NAALADL2: variants seen among roughly 807,000 people sequenced by gnomAD.
The protein encoded by NAALADL2 is inactive N-acetylated-alpha-linked acidic dipeptidase-like protein 2.
Under a neutral mutation model 87.2 loss-of-function variants are expected in NAALADL2, and 76 were observed. That is an observed-to-expected ratio of 0.87 (90% CI 0.72 to 1.05). NAALADL2 has a LOEUF of 1.05. Ranked by LOEUF, NAALADL2 falls within the 50% of genes least tolerant of loss-of-function variation. NAALADL2 has a pLI of 0.00. For missense variants in NAALADL2, 1,089 were observed against 945.8 expected, an observed-to-expected ratio of 1.15 and a Z score of -1.99; for synonymous variants, 354 against 331.0, an observed-to-expected ratio of 1.07 and a Z score of -0.75.
intron 2 of NAALADL2, among the ~76,000 whole-genome samples, chr3:175,181,456 C>T (rs113754153): frequency 2.9e-4 from 44 of 151,624 alleles, no homozygotes; most frequent in Admixed American, 2.0e-3. Flanking sequence ...ACCCTTTGAT[C>T]GACATCTCCC....
intron 5 of NAALADL2, among the ~76,000 whole-genome samples, chr3:175,420,998 A>G (rs1191280236): frequency 6.6e-6 from 1 of 152,066 alleles, no homozygotes; most frequent in Non-Finnish European, 1.5e-5. Flanking sequence ...ATTTAATTAG[A>G]AGTTATAATA....
intron 1 of NAALADL2, among the ~76,000 whole-genome samples, chr3:174,999,018 C>T (rs1050446288): frequency 1.3e-5 from 2 of 151,978 alleles, no homozygotes; most frequent in Non-Finnish European, 2.9e-5. Flanking sequence ...ATGATGACTG[C>T]AAAAGACTAA....
intron 2 of NAALADL2, among the ~76,000 whole-genome samples, chr3:174,665,645 A>AATCT (rs1194083747): frequency 6.6e-6 from 1 of 152,176 alleles, no homozygotes; most frequent in East Asian, 1.9e-4. Flanking sequence ...CCTTCATGAA[A>AATCT]ATCTGGCTTC....
At position 175,190,210 on chromosome 3, in the gene NAALADL2, T is replaced by C. The variant is rs563793753; in HGVS notation, c.546-43721T>C. On this transcript the variant is annotated intron_variant, in intron 2 of 13. Coordinates refer to ENST00000454872, the MANE Select transcript of NAALADL2 (RefSeq NM_207015.3). ...TACAGAAACAAAAATAATTAAATAG[T>C]ACTACATCAAAGTAAAACTAATCTG... is the stretch of plus-strand genomic sequence containing the variant. Among the ~76,000 whole-genome samples the C allele has an allele frequency of 2.5e-4, 38 of 151,920 alleles. 1 individual carries two copies. The South Asian group carries it at 6.6e-3, about 27-fold the overall frequency.
intron 2 of NAALADL2, among the ~76,000 whole-genome samples, chr3:174,646,799 T>C (rs774051862): frequency 2.0e-4 from 30 of 152,318 alleles, no homozygotes; most frequent in Admixed American, 4.6e-4. Context: ...ATATATTCTG[T>C]CTGCCCTGAA....
chr3:174,700,237 T>G (rs1291600619), intron 2 of NAALADL2, among the ~76,000 whole-genome samples: 1 of 151,524 alleles, frequency 6.6e-6, no homozygotes, highest in Admixed American at 6.6e-5. Flanking sequence ...CAGTTTTTTT[T>G]TTTTTTTTCA....
chr3:174,835,499 A>G (rs929506955), intron 3 of NAALADL2, among the ~76,000 whole-genome samples: 2 of 152,166 alleles, frequency 1.3e-5, no homozygotes, highest in African/African-American at 4.8e-5. Context: ...GTAAAAATAA[A>G]TTGTACTATA....
At chr3:175,290,294 A>G (rs980363293) in intron 4 of NAALADL2, among the ~76,000 whole-genome samples, 2 of 152,242 alleles carry the variant, frequency 1.3e-5, no homozygotes, top group African/African-American at 2.4e-5. Flanking sequence ...TGAATAAACA[A>G]TTTGTAGATA....
chr3:175,200,356 C>T lies in NAALADL2; in HGVS notation c.546-33575C>T, dbSNP rs564718234. Among the ~76,000 whole-genome samples the T allele has an allele frequency of 3.9e-5, 6 of 152,120 alleles. No individual in the cohort carries two copies. In the South Asian group the frequency reaches 1.2e-3, roughly 32 times the overall value. ...CCTTTCTCACTAGGTTAACTAATTT[C>T]TCTCTCTCTCTTTTTTTCTTTAAGC... On this transcript the variant is annotated intron_variant, in intron 2 of 13. Transcript: ENST00000454872.
At chr3:174,727,244 A>G (rs1732285727) in intron 2 of NAALADL2, among the ~76,000 whole-genome samples, 1 of 91,690 alleles carries the variant, frequency 1.1e-5, no homozygotes, top group Non-Finnish European at 2.2e-5. Flanking sequence ...TCACCTGCAT[A>G]TGAAGTAATG....
At chr3:174,797,872 A>C (rs1344199260) in intron 3 of NAALADL2, among the ~76,000 whole-genome samples, 1 of 152,076 alleles carries the variant, frequency 6.6e-6, no homozygotes, top group African/African-American at 2.4e-5. Flanking sequence ...GTAAATTTTG[A>C]AATAGTCTAT....
At chr3:175,637,214 C>T (rs1435901957) in intron 11 of NAALADL2, among the ~76,000 whole-genome samples, 1 of 152,180 alleles carries the variant, frequency 6.6e-6, no homozygotes, top group Non-Finnish European at 1.5e-5. Flanking sequence ...TCTCATATTC[C>T]AGTCTGAGAT....
At chr3:175,280,216 A>T (rs1403461064) in intron 4 of NAALADL2, among the ~76,000 whole-genome samples, 1 of 151,902 alleles carries the variant, frequency 6.6e-6, no homozygotes, top group Non-Finnish European at 1.5e-5. Context: ...CTAGTTCTTC[A>T]ATTTTATATC....
intron 2 of NAALADL2, among the ~76,000 whole-genome samples, chr3:175,154,136 TC>T (rs775635870): frequency 2.6e-5 from 4 of 152,176 alleles, no homozygotes; most frequent in Non-Finnish European, 5.9e-5. Context: ...AATGATAATT[TC>T]TAGGTGATTT....
intron 9 of NAALADL2, among the ~76,000 whole-genome samples, chr3:175,479,148 T>A (rs1405114430): frequency 1.3e-5 from 2 of 151,842 alleles, no homozygotes; most frequent in African/African-American, 4.8e-5. Context: ...AAATTGTGGA[T>A]TCTTGGTTTT....
chr3:174,531,268 AT>A (rs368865956), intron 1 of NAALADL2, among the ~76,000 whole-genome samples: 410 of 143,734 alleles, frequency 2.9e-3, no homozygotes, highest in African/African-American at 8.0e-3. Context: ...ATGGCTCTGC[AT>A]TTTTTTTTTT....
intron 1 of NAALADL2, among the ~76,000 whole-genome samples, chr3:174,915,686 A>T (rs1213407513): frequency 1.3e-5 from 2 of 152,160 alleles, no homozygotes; most frequent in Non-Finnish European, 2.9e-5. Context: ...TAATAATTTT[A>T]GGAAAAAAAG....
At chr3:174,485,986 AGG>A (rs1717833832) in intron 1 of NAALADL2, among the ~76,000 whole-genome samples, 3 of 151,970 alleles carry the variant, frequency 2.0e-5, no homozygotes, top group Non-Finnish European at 4.4e-5. Context: ...TTTATTGAAT[AGG>A]GGTGATTACT....
chr3:175,009,917 A>G (rs962309902), intron 1 of NAALADL2, among the ~76,000 whole-genome samples: 2 of 152,064 alleles, frequency 1.3e-5, no homozygotes, highest in African/African-American at 4.8e-5. Context: ...AATGAAAGAA[A>G]TGAAACAAAT....
Sources: allele counts gnomAD v4.1 joint callset (sites outside exome capture counted in the v4.1 genomes callset), GRCh38; gene constraint gnomAD v4.1.1; transcripts MANE v1.5; gene names NCBI Gene and HGNC (gene_info 2026-07-23, HGNC 2026-07-21).